Variants in MCTP2 observed in about 807,000 individuals in gnomAD.
The protein encoded by MCTP2 is multiple C2 and transmembrane domain-containing protein 2.
MCTP2 carries 132 observed loss-of-function variants against 111.6 expected under a neutral mutation model. The ratio of observed to expected loss-of-function variants is 1.18; its 90% confidence interval spans 1.03 to 1.37. MCTP2 has a LOEUF of 1.37. Among genes scored for constraint, MCTP2 ranks in the 40% most tolerant of loss-of-function variants. The pLI, the probability that MCTP2 is intolerant of heterozygous loss-of-function variation, is 0.00. For synonymous variants in MCTP2, 395 were observed against 387.7 expected (o/e 1.02, Z -0.22); for missense variants, 1,183 against 1,067.9 (o/e 1.11, Z -1.50).
chr15:94,232,162 G>C (rs2070223262), intron 1 of MCTP2, among the ~76,000 whole-genome samples: 1 of 152,216 alleles, frequency 6.6e-6, no homozygotes. Flanking sequence ...TCCCACTGAA[G>C]ATAAGTAAGT....
intron 17 of MCTP2, among the ~76,000 whole-genome samples, chr15:94,404,844 A>G (rs1182126118): frequency 6.6e-6 from 1 of 152,148 alleles, no homozygotes; most frequent in Admixed American, 6.5e-5. Flanking sequence ...CCTCAAGCCC[A>G]GGCTCTCCTC....
intron 17 of MCTP2, among the ~76,000 whole-genome samples, chr15:94,411,889 T>G (rs1464111602): frequency 6.6e-6 from 1 of 152,208 alleles, no homozygotes; most frequent in African/African-American, 2.4e-5. Context: ...GGTTTTGGCC[T>G]TTTAAAATGA....
chr15:94,312,527 A>G (rs1381270488), intron 2 of MCTP2, among the ~76,000 whole-genome samples: 3 of 152,210 alleles, frequency 2.0e-5, no homozygotes, highest in Non-Finnish European at 4.4e-5. Flanking sequence ...AGAGGCATAT[A>G]GTGGCTATAG....
chr15:94,390,706 C>A (rs991847858), intron 14 of MCTP2, among the ~76,000 whole-genome samples: 9 of 149,970 alleles, frequency 6.0e-5, no homozygotes, highest in African/African-American at 2.2e-4. Flanking sequence ...TGATGAAGAC[C>A]TGCAATTTCT....
intron 13 of MCTP2, among the ~76,000 whole-genome samples, chr15:94,385,057 A>G (rs553868462): frequency 6.6e-6 from 1 of 152,234 alleles, no homozygotes; most frequent in African/African-American, 2.4e-5. Context: ...ATTTTAAAAA[A>G]TGTTAACTCC....
chr15:94,391,186 A>G (rs1013174912), intron 14 of MCTP2, among the ~76,000 whole-genome samples: 2 of 152,150 alleles, frequency 1.3e-5, no homozygotes, highest in Non-Finnish European at 2.9e-5. Context: ...GGCTGCACCA[A>G]TAACAGCTTC....
chr15:94,451,793 A>G (rs2084479898), intron 19 of MCTP2, among the ~76,000 whole-genome samples: 1 of 152,224 alleles, frequency 6.6e-6, no homozygotes, highest in Non-Finnish European at 1.5e-5. Flanking sequence ...TCAGGGCAAC[A>G]TGAGTAGACT....
chr15:94,413,113 C>T (rs1181312286), intron 17 of MCTP2, among the ~76,000 whole-genome samples: 1 of 152,116 alleles, frequency 6.6e-6, no homozygotes, highest in Non-Finnish European at 1.5e-5. Flanking sequence ...AATAGCTTGG[C>T]AATCGCTTGA....
intron 19 of MCTP2, among the ~76,000 whole-genome samples, chr15:94,448,538 A>G (rs1287015250): frequency 6.6e-6 from 1 of 152,226 alleles, no homozygotes; most frequent in Non-Finnish European, 1.5e-5. Flanking sequence ...CTAATTATCA[A>G]AGGAAATGAT....
chr15:94,340,742 C>A, intron 6 of MCTP2, 71 bp from the exon 7 acceptor site: 1 of 885,350 alleles, frequency 1.1e-6, no homozygotes, highest in Non-Finnish European at 1.8e-6. Flanking sequence ...TTACCATAAG[C>A]TCCTGATGCG....
intron 4 of MCTP2, among the ~76,000 whole-genome samples, chr15:94,325,537 C>T (rs2076823893): frequency 1.3e-5 from 2 of 152,010 alleles, no homozygotes; most frequent in South Asian, 2.1e-4. Context: ...AAAGTTCCTC[C>T]CCCTGCCGCC....
intron 17 of MCTP2, among the ~76,000 whole-genome samples, chr15:94,433,078 A>C (rs977202459): frequency 1.5e-5 from 2 of 136,778 alleles, no homozygotes; most frequent in Non-Finnish European, 3.3e-5. Flanking sequence ...GAAACAATAC[A>C]TAGGGGATTT....
intron 1 of MCTP2, chr15:94,273,648 G>T: frequency 5.0e-6 from 1 of 198,122 alleles, no homozygotes; most frequent in South Asian, 1.0e-4. Flanking sequence ...CATCTGCAAG[G>T]ACCACGAGGT....
chr15:94,265,270 A>G lies in MCTP2; in HGVS notation c.-65-32931A>G, dbSNP rs115434322. Among the ~76,000 whole-genome samples, 731 of 152,250 alleles carry G rather than the reference A, an allele frequency of 4.8e-3. 5 individuals are homozygous for G. Among genetic ancestry groups the G allele is most frequent in the African/African-American group, 0.017 (693 of 41,534 alleles). On this transcript the variant is annotated intron_variant, in intron 1 of 22. Transcript: ENST00000357742. Reference sequence around the variant, plus strand: ...TCTGATTTTATCATGAGTCACTTATACTAACTCTAAGTGCAGAAAAAGGCA... The same window carrying G: ...TCTGATTTTATCATGAGTCACTTATGCTAACTCTAAGTGCAGAAAAAGGCA...
At chr15:94,428,922 A>G (rs981142264) in intron 17 of MCTP2, among the ~76,000 whole-genome samples, 1 of 152,134 alleles carries the variant, frequency 6.6e-6, no homozygotes, top group Non-Finnish European at 1.5e-5. Context: ...TCAGGTAAGC[A>G]TGGCTCCAAA....
intron 9 of MCTP2, among the ~76,000 whole-genome samples, chr15:94,357,661 C>G (rs540823273): frequency 6.6e-6 from 1 of 152,098 alleles, no homozygotes; most frequent in East Asian, 1.9e-4. Context: ...TTGGCTACAG[C>G]CGAGGTCTGA....
intron 1 of MCTP2, among the ~76,000 whole-genome samples, chr15:94,240,147 ATATTT>A (rs1403129746): frequency 1.3e-5 from 2 of 152,062 alleles, no homozygotes; most frequent in Non-Finnish European, 2.9e-5. Flanking sequence ...TAGCTGCTGT[ATATTT>A]TATTTTGTGT....
At chr15:94,286,412 C>G (rs1164834299) in intron 1 of MCTP2, among the ~76,000 whole-genome samples, 5 of 151,758 alleles carry the variant, frequency 3.3e-5, no homozygotes, top group African/African-American at 1.2e-4. Context: ...GTAAGAAAAA[C>G]AAATCTTGAT....
chr15:94,410,332 T>C (rs75914741), intron 17 of MCTP2, among the ~76,000 whole-genome samples: 1,789 of 151,672 alleles, frequency 0.012, 33 homozygotes, highest in African/African-American at 0.04. Context: ...TGTTCAGGAG[T>C]CAATCATTTC....
Sources: gnomAD v4.1 joint callset for allele counts (sites outside exome capture counted in the v4.1 genomes callset) on GRCh38, gnomAD v4.1.1 for gene constraint, MANE v1.5 for transcripts, NCBI Gene and HGNC (gene_info 2026-07-23, HGNC 2026-07-21) for gene names.